Variants in ALKBH4 observed in about 807,000 individuals in gnomAD.
ALKBH4 encodes alkB homolog 4, lysine demethylase, also known as alpha-ketoglutarate-dependent dioxygenase alkB homolog 4.
ALKBH4 carries 8 observed loss-of-function variants against 12.1 expected under a neutral mutation model. The ratio of observed to expected loss-of-function variants is 0.66; its 90% CI spans 0.39 to 1.19. ALKBH4 has a LOEUF of 1.19. Ranked by LOEUF, ALKBH4 falls within the 50% of genes most tolerant of loss-of-function variation. The pLI, the probability that ALKBH4 is intolerant of heterozygous loss-of-function variation, is 0.01. For synonymous variants in ALKBH4, 195 were observed against 191.6 expected, an observed-to-expected ratio of 1.02 and a Z score of -0.15; for missense variants, 403 against 430.4, an observed-to-expected ratio of 0.94 and a Z score of 0.56.
chr7:102,459,587 G>A lies in ALKBH4; in HGVS notation c.321+17C>T. On this transcript the variant is annotated intron_variant, in intron 2 of 2. Transcript: ENST00000292566. ...CAGCGCAGCCCAGCAACCCCCATGA[G>A]CTCAGGGCCGGTCTACCTGCTTCCT... 1 of 1,606,566 alleles carries A rather than the reference G, an allele frequency of 6.2e-7. No homozygotes were observed. The highest frequency in any genetic ancestry group is 8.5e-7 in the Non-Finnish European group (1 of 1,175,866).
At position 102,460,327 on chromosome 7, in the gene ALKBH4, A is replaced by G. The variant is rs183289248; in HGVS notation, c.124-526T>C. 7.3e-3 allele frequency among the ~76,000 whole-genome samples: 460 copies of G among 63,412 alleles called. 4 individuals are homozygous for G. The highest frequency in any genetic ancestry group is 0.022 in the African/African-American group (435 of 20,192). The allele number at this position is 63,412 out of a possible 152,430, so 41.6% of individuals were successfully genotyped here. On this transcript the variant is annotated intron_variant, in intron 1 of 2. Coordinates refer to ENST00000292566, the MANE Select transcript of ALKBH4 (RefSeq NM_017621.4). ...ACAACAAAGCAAGACCCTGTCTCAA[A>G]AAAAAAAAAAGAAAAAAAAAAAAGG... is the stretch of plus-strand genomic sequence containing the variant.
chr7:102,459,431 A>G, intron 2 of ALKBH4, 173 bp downstream of exon 2: 1 of 712,834 alleles, frequency 1.4e-6, no homozygotes, highest in South Asian at 2.0e-5. Flanking sequence ...TGCCCATCGG[A>G]CACACGTCCT....
intron 1 of ALKBH4, among the ~76,000 whole-genome samples, chr7:102,460,439 CTG>C (rs1797768796): frequency 6.6e-6 from 1 of 152,050 alleles, no homozygotes; most frequent in Non-Finnish European, 1.5e-5. Flanking sequence ...CCTCAGGACA[CTG>C]TGGAAGGCAG....
In ALKBH4 at chr7:102,459,779, C is replaced by A. The variant is rs2133252814; in HGVS notation, c.146G>T (p.Cys49Phe). ...PPAKTYRFIY[C>F]SDTGWAVGTE... ...GCCCACGGCCCAGCCGGTGTCGGAG[C>A]AGTAAATGAAACGGTATGTTTTCTG... The change falls in exon 2 of 3, where the codon TGC becomes TTC. Residue 49 changes from cysteine to phenylalanine, a missense_variant. By Grantham distance (205) the Cys-to-Phe change is radical (BLOSUM62 -2). Transcript: ENST00000292566. 1.9e-6 allele frequency: 3 copies of A among 1,608,072 alleles called. No homozygotes were observed. The highest frequency in any genetic ancestry group is 1.7e-6 in the Non-Finnish European group (2 of 1,177,206).
In ALKBH4 at chr7:102,457,402, G is replaced by C; in HGVS notation, c.901C>G (p.Pro301Ala). Reference sequence around the variant, plus strand: ...GGAGCCAAGGAGGCGGTTCACACGGGTCTTCCCTGGAAGGAGAGGGCGATC... The same window carrying C: ...GGAGCCAAGGAGGCGGTTCACACGGCTCTTCCCTGGAAGGAGAGGGCGATC... ...LRIALSFQGR[P>A]V Residue 301 changes from proline to alanine, a missense_variant, in exon 3 of 3, where the codon CCC becomes GCC. Physicochemically the swap from Pro to Ala is conservative, Grantham distance 27. Coordinates refer to ENST00000292566, the MANE Select transcript of ALKBH4 (RefSeq NM_017621.4). This position sits in a 1 kb window ranked among gnomAD's most constrained non-coding sequence, Gnocchi z 5.9. The C allele has an allele frequency of 6.2e-7, 1 of 1,609,454 alleles. No individual in the cohort carries two copies. The highest frequency in any genetic ancestry group is 8.5e-7 in the Non-Finnish European group (1 of 1,176,776).
In ALKBH4 at chr7:102,457,245, T is replaced by C. The variant is rs948676013; in HGVS notation, c.*149A>G. ...GGGGCTGCCTGGAGGTACGTTCCCA[T>C]CAAAACCTGCTCCTGGGCAGGGCTC... On this transcript the variant is annotated 3_prime_UTR_variant, in exon 3 of 3. Transcript: ENST00000292566. This position sits in a 1 kb window ranked among gnomAD's most constrained non-coding sequence, Gnocchi z 5.9. The C allele has an allele frequency of 5.7e-5, 53 of 927,822 alleles. No individual in the cohort carries two copies. The Middle Eastern group carries it at 1.0e-3, about 18-fold the overall frequency. The allele number at this position is 927,822 out of a possible 1,614,324, so 57.5% of individuals were successfully genotyped here. A position where few individuals can be genotyped will look rare whatever the true frequency, so the allele number is the denominator to read the frequency against.
At position 102,458,497 on chromosome 7, in the gene ALKBH4, A is replaced by G. The variant is rs566886517; in HGVS notation, c.322-516T>C. On this transcript the variant is annotated intron_variant, in intron 2 of 2. Coordinates refer to ENST00000292566, the MANE Select transcript of ALKBH4 (RefSeq NM_017621.4). ...GGTGAGAGGACTGTTGGAGCTCAGG[A>G]GGTTGAGGCTGCGGTGAGTGGAGAC... 3.3e-5 allele frequency among the ~76,000 whole-genome samples: 5 copies of G among 152,076 alleles called. No homozygotes were observed. In the East Asian group the frequency reaches 9.7e-4, roughly 29 times the overall value.
At chr7:102,458,133 G>C (rs1797703139) in intron 2 of ALKBH4, 152 bp from the exon 3 acceptor site, 1 of 732,704 alleles carries the variant, frequency 1.4e-6, no homozygotes, top group Non-Finnish European at 2.2e-6. Context: ...GACTCAAGGA[G>C]ACAGAAGTGA....
Position 102,457,794 on chromosome 7 carries a change from A to G in ALKBH4, c.509T>C (p.Leu170Pro), listed in dbSNP as rs1325058506. 1.9e-6 allele frequency: 3 copies of G among 1,606,520 alleles called. No individual in the cohort carries two copies. The highest frequency in any genetic ancestry group is 2.5e-6 in the Non-Finnish European group (3 of 1,178,356). ...PERGSAIDPH[L>P]DDAWLWGERL... ...CTCCCCCCACAGCCAGGCGTCGTCC[A>G]GGTGGGGGTCAATGGCAGAGCCCCG... The change falls in exon 3 of 3, where the codon CTG becomes CCG. Residue 170 changes from leucine (L) to proline (P), a missense_variant. Transcript: ENST00000292566. The surrounding 1 kb of genome is among the most constrained non-coding windows in gnomAD (Gnocchi z 5.9).
chr7:102,459,080 A>C (rs1354495510), intron 2 of ALKBH4, among the ~76,000 whole-genome samples: 1 of 143,620 alleles, frequency 7.0e-6, no homozygotes, highest in Non-Finnish European at 1.5e-5. Context: ...CGGGAAGCAG[A>C]GGTTGCAGTG....
In ALKBH4 at chr7:102,457,300, T is replaced by C. The variant is rs1455028878; in HGVS notation, c.*94A>G. 1 of 1,398,586 alleles carries C rather than the reference T, an allele frequency of 7.2e-7. No individual in the cohort carries two copies. Among genetic ancestry groups the C allele is most frequent in the African/African-American group, 1.4e-5 (1 of 70,382 alleles). The allele number at this position is 1,398,586 out of a possible 1,614,324, so 86.6% of individuals were successfully genotyped here. ...TGCTCACAGCATCAGGGGTCAGCCATCTTCTCTTGAAACCCCGTGAGTTGC... is the reference window on the plus strand; with the variant it reads ...TGCTCACAGCATCAGGGGTCAGCCACCTTCTCTTGAAACCCCGTGAGTTGC... On this transcript the variant is annotated 3_prime_UTR_variant, in exon 3 of 3. Coordinates refer to ENST00000292566, the MANE Select transcript of ALKBH4 (RefSeq NM_017621.4). This position sits in a 1 kb window ranked among gnomAD's most constrained non-coding sequence, Gnocchi z 5.9.
chr7:102,458,986 C>G (rs1435684878), intron 2 of ALKBH4, among the ~76,000 whole-genome samples: 1 of 151,794 alleles, frequency 6.6e-6, no homozygotes, highest in African/African-American at 2.4e-5. Flanking sequence ...TCTCCACTAA[C>G]AGTACAAGAA....
chr7:102,458,058 T>G, intron 2 of ALKBH4, 77 bp from the exon 3 acceptor site: 1 of 1,410,590 alleles, frequency 7.1e-7, no homozygotes, highest in Non-Finnish European at 9.5e-7. Context: ...TGGGAAGAAT[T>G]CAGTCATAGT....
In ALKBH4 at chr7:102,459,774, C is replaced by T. The variant is rs777313140; in HGVS notation, c.151G>A (p.Asp51Asn). 19 of 1,609,152 alleles carry T rather than the reference C, an allele frequency of 1.2e-5. No individual in the cohort carries two copies. The highest frequency in any genetic ancestry group is 2.2e-5 in the East Asian group (1 of 44,814). The change falls in exon 2 of 3, where the codon GAC becomes AAC. Residue 51 changes from aspartate to asparagine, a missense_variant. Physicochemically the swap from Asp to Asn is conservative, Grantham distance 23. Coordinates refer to ENST00000292566, the MANE Select transcript of ALKBH4 (RefSeq NM_017621.4). ...AKTYRFIYCSDTGWAVGTEES... is the reference protein window; with the variant it reads ...AKTYRFIYCSNTGWAVGTEES... Reference sequence around the variant, plus strand: ...TCTGTGCCCACGGCCCAGCCGGTGTCGGAGCAGTAAATGAAACGGTATGTT... The same window carrying T: ...TCTGTGCCCACGGCCCAGCCGGTGTTGGAGCAGTAAATGAAACGGTATGTT...
Position 102,464,840 on chromosome 7 carries a change from G to C in ALKBH4, c.-4C>G. On this transcript the variant is annotated 5_prime_UTR_variant, in exon 1 of 3. Transcript: ENST00000292566. ...TCTCGGCGGCAGCCGCCGCCATCGC[G>C]CCGTCCGCGTGGCCAGTGCGCAGGC... The C allele has an allele frequency of 6.6e-7, 1 of 1,510,104 alleles. No homozygotes were observed. The highest frequency in any genetic ancestry group is 8.8e-7 in the Non-Finnish European group (1 of 1,134,032). 93.5% of individuals were successfully genotyped at this position (1,510,104 alleles called of 1,614,324 possible). A position where few individuals can be genotyped will look rare whatever the true frequency, so the allele number is the denominator to read the frequency against.
At chr7:102,460,325 A>G (rs1563649505) in intron 1 of ALKBH4, among the ~76,000 whole-genome samples, 9 of 58,622 alleles carry the variant, frequency 1.5e-4, no homozygotes, top group Non-Finnish European at 3.5e-5. Context: ...ACCCTGTCTC[A>G]AAAAAAAAAA....
chr7:102,460,726 C>T (rs1050941384), intron 1 of ALKBH4, among the ~76,000 whole-genome samples: 3 of 152,200 alleles, frequency 2.0e-5, no homozygotes, highest in Non-Finnish European at 4.4e-5. Context: ...TACCTTGAAT[C>T]TGTGCACCCT....
chr7:102,459,156 A>C (rs538179590), intron 2 of ALKBH4, among the ~76,000 whole-genome samples: 1,676 of 151,748 alleles, frequency 0.011, 26 homozygotes, highest in African/African-American at 0.038. Context: ...AAAAAAAAAA[A>C]AAAAAAAAAC....
chr7:102,462,955 CTTTTTTTT>C (rs200495061), intron 1 of ALKBH4, among the ~76,000 whole-genome samples: 1 of 121,920 alleles, frequency 8.2e-6, no homozygotes, highest in East Asian at 2.1e-4. Flanking sequence ...TCAAAATGTC[CTTTTTTTT>C]TTTTTTTTTT....
Sources: gnomAD v4.1 joint callset for allele counts (sites outside exome capture counted in the v4.1 genomes callset) on GRCh38, gnomAD v4.1.1 for gene constraint, Gnocchi (gnomAD v3.1) non-coding constraint, MANE v1.5 for transcripts, NCBI Gene and HGNC (gene_info 2026-07-23, HGNC 2026-07-21) for gene names.